CLTC: variants seen among roughly 807,000 people sequenced by gnomAD.
The protein encoded by CLTC is clathrin heavy chain, also known as clathrin heavy chain 1.
In CLTC, 16 loss-of-function variants were observed where a neutral mutation model predicts 195.8. The observed-to-expected ratio is 0.08, with a 90% confidence interval of 0.06 to 0.12. The LOEUF is 0.12. Among genes scored for constraint, CLTC ranks in the 10% least tolerant of loss-of-function variants. The pLI is 1.00. For missense variants in CLTC, 796 were observed against 2,027.0 expected, an observed-to-expected ratio of 0.39 and a Z score of 11.66; for synonymous variants, 667 against 689.4, an observed-to-expected ratio of 0.97 and a Z score of 0.51.
Position 59,680,899 on chromosome 17 carries a change from A to G in CLTC, c.2920-13A>G, listed in dbSNP as rs760926485. ...TTGATTCTCAGTACTTATGTCCCAT[A>G]TATCCTCTGTAGGTTGTACAAACAG... On this transcript the variant is annotated splice_polypyrimidine_tract_variant and intron_variant, in intron 18 of 31. Coordinates refer to ENST00000269122, the MANE Select transcript of CLTC (RefSeq NM_004859.4). The G allele has an allele frequency of 6.3e-7, 1 of 1,598,768 alleles. No homozygotes were observed. The highest frequency in any genetic ancestry group is 8.5e-7 in the Non-Finnish European group (1 of 1,173,476).
intron 1 of CLTC, 110 bp downstream of exon 1, chr17:59,620,283 T>G (rs2031326418): frequency 1.9e-6 from 2 of 1,040,300 alleles, no homozygotes; most frequent in Non-Finnish European, 3.0e-6. Flanking sequence ...GGGGGGGTTG[T>G]CGGTGATTGG....
At chr17:59,673,851 C>T (rs1598233699) in intron 15 of CLTC, 79 bp downstream of exon 15, 2 of 814,352 alleles carry the variant, frequency 2.5e-6, no homozygotes, top group East Asian at 2.6e-5. Flanking sequence ...CCTTTTGAAA[C>T]TCTGTGCTCA....
intron 30 of CLTC, among the ~76,000 whole-genome samples, chr17:59,686,629 T>C (rs1345212104): frequency 1.3e-5 from 2 of 152,188 alleles, no homozygotes; most frequent in Non-Finnish European, 2.9e-5. Context: ...TTTTAAAGAA[T>C]TAACATTTTC....
chr17:59,638,796 A>G (rs1186991436), intron 1 of CLTC, among the ~76,000 whole-genome samples: 2 of 152,132 alleles, frequency 1.3e-5, no homozygotes, highest in Non-Finnish European at 2.9e-5. Context: ...TGCTAACGGA[A>G]TACTGGTCTG....
intron 1 of CLTC, among the ~76,000 whole-genome samples, chr17:59,634,770 G>C (rs1048079667): frequency 5.9e-5 from 9 of 152,170 alleles, no homozygotes; most frequent in African/African-American, 2.2e-4. Context: ...ACAGTGGTTG[G>C]TATCCTGTTG....
intron 14 of CLTC, among the ~76,000 whole-genome samples, chr17:59,671,748 C>T (rs2032852857): frequency 6.6e-6 from 1 of 152,118 alleles, no homozygotes; most frequent in South Asian, 2.1e-4. Context: ...CTGGAACTCC[C>T]CTAACCTTGT....
chr17:59,642,557 C>G (rs188262589), intron 1 of CLTC, among the ~76,000 whole-genome samples: 2 of 152,262 alleles, frequency 1.3e-5, no homozygotes, highest in East Asian at 3.9e-4. Context: ...TAAGGACCCT[C>G]TACTCAGAAA....
At chr17:59,693,251 C>T (rs2033348970) in intron 31 of CLTC, among the ~76,000 whole-genome samples, 1 of 151,976 alleles carries the variant, frequency 6.6e-6, no homozygotes, top group East Asian at 1.9e-4. Flanking sequence ...CCCATAATCC[C>T]AGCTACTCGG....
At chr17:59,667,926 A>C (rs1327325907) in intron 13 of CLTC, among the ~76,000 whole-genome samples, 1 of 152,156 alleles carries the variant, frequency 6.6e-6, no homozygotes, top group Non-Finnish European at 1.5e-5. Flanking sequence ...TAGTTTTCTT[A>C]ATTTTTTCTT....
intron 6 of CLTC, among the ~76,000 whole-genome samples, chr17:59,657,213 A>C (rs1053717512): frequency 1.3e-5 from 2 of 152,000 alleles, no homozygotes; most frequent in African/African-American, 4.8e-5. Context: ...GTGCATCCCT[A>C]CCTACCCATG....
intron 7 of CLTC, 81 bp downstream of exon 7, chr17:59,660,669 C>A (rs1567953773): frequency 7.5e-7 from 1 of 1,334,902 alleles, no homozygotes; most frequent in Non-Finnish European, 1.1e-6. Context: ...GAAAAGGAAC[C>A]AGCTTCCTAC....
intron 1 of CLTC, among the ~76,000 whole-genome samples, chr17:59,638,674 A>G (rs1163677493): frequency 1.3e-5 from 2 of 152,124 alleles, no homozygotes; most frequent in African/African-American, 2.4e-5. Flanking sequence ...ACAGTTCACA[A>G]TAGGGTTCGC....
rs1472340532 is a variant in CLTC at position 59,682,413 on chromosome 17, T to C, written c.3585T>C (p.Asn1195=). The C allele has an allele frequency of 6.2e-7, 1 of 1,614,076 alleles. No homozygotes were observed. The highest frequency in any genetic ancestry group is 1.7e-5 in the Admixed American group (1 of 60,000). The part of the protein sequence containing the change: ...ELEEFINGPN[N]AHIQQVGDRC... Reference sequence around the variant, plus strand: ...AAGAATTTATCAATGGACCAAATAATGCTCATATCCAACAAGTGGGTTTCC... The same window carrying C: ...AAGAATTTATCAATGGACCAAATAACGCTCATATCCAACAAGTGGGTTTCC... The change falls in exon 22 of 32, where the codon AAT becomes AAC. Residue 1195 remains asparagine (N), a synonymous_variant. Transcript: ENST00000269122. The surrounding 1 kb of genome is among the most constrained non-coding windows in gnomAD (Gnocchi z 6.8).
In CLTC at chr17:59,660,490, T is replaced by C. The variant is rs1207209041; in HGVS notation, c.1069T>C (p.Leu357=). The C allele has an allele frequency of 1.2e-6, 2 of 1,614,156 alleles. No individual in the cohort carries two copies. Among genetic ancestry groups the C allele is most frequent in the Non-Finnish European group, 1.7e-6 (2 of 1,180,000 alleles). ...TCTGAGAATGGCTGTACGTAATAAC[T>C]TAGCCGGTGCTGAAGAACTCTTTGC... is the stretch of plus-strand genomic sequence containing the variant. ...LALRMAVRNN[L]AGAEELFARK... is the part of the protein sequence containing the mutation. Residue 357 remains leucine (L), a synonymous_variant, in exon 7 of 32, where the codon TTA becomes CTA. Transcript: ENST00000269122.
At chr17:59,628,449 T>C (rs1481885769) in intron 1 of CLTC, among the ~76,000 whole-genome samples, 1 of 152,210 alleles carries the variant, frequency 6.6e-6, no homozygotes, top group Non-Finnish European at 1.5e-5. Flanking sequence ...AGTTTCCCTT[T>C]GTCCACTTGA....
At chr17:59,692,689 T>C (rs2033333603) in intron 31 of CLTC, among the ~76,000 whole-genome samples, 1 of 152,228 alleles carries the variant, frequency 6.6e-6, no homozygotes, top group Admixed American at 6.5e-5. Context: ...CAGGCTGGAG[T>C]GCAGTGGCGT....
chr17:59,684,258 CTT>C (rs1368564567), intron 28 of CLTC: 24 of 308,040 alleles, frequency 7.8e-5, no homozygotes, highest in Non-Finnish European at 6.6e-5. Flanking sequence ...TCAAAAATGT[CTT>C]TGACCACTTA....
chr17:59,690,600 T>G, intron 30 of CLTC, 36 bp from the exon 31 acceptor site: 2 of 1,469,034 alleles, frequency 1.4e-6, no homozygotes, highest in Non-Finnish European at 1.9e-6. Flanking sequence ...TATAATACTT[T>G]TGGGGTGCTA....
chr17:59,647,031 A>G (rs2032213313), intron 2 of CLTC, among the ~76,000 whole-genome samples: 2 of 152,222 alleles, frequency 1.3e-5, no homozygotes, highest in South Asian at 2.1e-4. Context: ...TCTTGTGTAC[A>G]TGCAACTAAG....
Sources: allele counts gnomAD v4.1 joint callset (sites outside exome capture counted in the v4.1 genomes callset), GRCh38; gene constraint gnomAD v4.1.1; non-coding constraint Gnocchi (gnomAD v3.1); transcripts MANE v1.5; gene names NCBI Gene and HGNC (gene_info 2026-07-23, HGNC 2026-07-21).